Variants in BRINP2 observed in about 807,000 individuals in gnomAD.
BRINP2 encodes the protein BMP/retinoic acid-inducible neural-specific protein 2.
In BRINP2, 21 loss-of-function variants were observed where a neutral mutation model predicts 69.2. That is an observed-to-expected ratio of 0.30 (90% CI 0.22 to 0.44). BRINP2 has a LOEUF of 0.44. Among genes scored for constraint, BRINP2 ranks in the 20% least tolerant of loss-of-function variants. The pLI is 1.00. For missense variants in BRINP2, 877 were observed against 986.0 expected, an observed-to-expected ratio of 0.89 and a Z score of 1.48; for synonymous variants, 380 against 394.1, an observed-to-expected ratio of 0.96 and a Z score of 0.42.
At chr1:177,269,268 A>G (rs1453282177) in intron 4 of BRINP2, among the ~76,000 whole-genome samples, 1 of 152,190 alleles carries the variant, frequency 6.6e-6, no homozygotes, top group Admixed American at 6.5e-5. Context: ...TGGCTCTGCC[A>G]TAGGGTTGGG....
intron 4 of BRINP2, among the ~76,000 whole-genome samples, chr1:177,271,203 T>C (rs1651315018): frequency 6.6e-6 from 1 of 152,252 alleles, no homozygotes; most frequent in Non-Finnish European, 1.5e-5. Context: ...AATCTTATCC[T>C]TGCAGGTGAC....
At chr1:177,231,428 G>A (rs1212049425) in intron 2 of BRINP2, among the ~76,000 whole-genome samples, 6 of 152,170 alleles carry the variant, frequency 3.9e-5, no homozygotes, top group Non-Finnish European at 7.3e-5. Flanking sequence ...GTAAGGGGTC[G>A]CAGAAGTATG....
rs772872398 is a variant in BRINP2, at chr1:177,281,141, C to T, written c.1965C>T (p.Asp655=). ...YLRSRIKSLD[D]SSNETIYYEP... is the part of the protein sequence containing the mutation. ...GGAGCCGAATCAAGTCCCTGGATGA[C>T]AGCTCCAATGAGACAATCTACTATG... The change falls in exon 8 of 8, where the codon GAC becomes GAT. Residue 655 remains aspartate (D), a synonymous_variant. Transcript: ENST00000361539. The T allele has an allele frequency of 6.2e-7, 1 of 1,614,096 alleles. No homozygotes were observed. The highest frequency in any genetic ancestry group is 8.5e-7 in the Non-Finnish European group (1 of 1,180,054).
intron 2 of BRINP2, among the ~76,000 whole-genome samples, chr1:177,243,801 G>C (rs991983287): frequency 6.6e-6 from 1 of 152,206 alleles, no homozygotes; most frequent in Non-Finnish European, 1.5e-5. Flanking sequence ...TCAGGACCAA[G>C]ACTCCTACCT....
At chr1:177,273,396 G>T in intron 4 of BRINP2, 92 bp from the exon 5 acceptor site, 2 of 776,310 alleles carry the variant, frequency 2.6e-6, no homozygotes, top group Non-Finnish European at 2.1e-6. Flanking sequence ...AGGACAGGAT[G>T]TGGAACCTGA....
intron 1 of BRINP2, among the ~76,000 whole-genome samples, chr1:177,182,310 A>G (rs1022481155): frequency 1.3e-5 from 2 of 152,048 alleles, no homozygotes; most frequent in South Asian, 2.1e-4. Context: ...ATTTGTGTTA[A>G]GGTATTAATG....
chr1:177,264,125 T>C lies in BRINP2; in HGVS notation c.669+6741T>C, dbSNP rs909903826. On this transcript the variant is annotated intron_variant, in intron 4 of 7. Transcript: ENST00000361539. ...GGACTGTGTCAAAGTTGGAGAAAAA[T>C]GGATCATATCAGAAAATGAAAGGTA... 2.1e-4 allele frequency among the ~76,000 whole-genome samples: 32 copies of C among 152,194 alleles called. 1 individual carries two copies. Among genetic ancestry groups the C allele is most frequent in the Middle Eastern group, 3.4e-3 (1 of 294 alleles).
intron 4 of BRINP2, among the ~76,000 whole-genome samples, chr1:177,263,174 A>G (rs1296311325): frequency 2.0e-5 from 3 of 152,208 alleles, no homozygotes; most frequent in Non-Finnish European, 4.4e-5. Context: ...TTAAAAGTCT[A>G]AGTAGGTTTG....
At chr1:177,255,408 T>C (rs935591407) in intron 2 of BRINP2, among the ~76,000 whole-genome samples, 9 of 152,246 alleles carry the variant, frequency 5.9e-5, no homozygotes, top group African/African-American at 9.6e-5. Flanking sequence ...CTAAGCCACA[T>C]GTACAAATAT....
intron 1 of BRINP2, among the ~76,000 whole-genome samples, chr1:177,188,894 A>C (rs1247113173): frequency 6.6e-6 from 1 of 152,200 alleles, no homozygotes; most frequent in East Asian, 1.9e-4. Flanking sequence ...TGTTTACAGT[A>C]AAACTCACCC....
At position 177,281,764 on chromosome 1, in the gene BRINP2, C is replaced by A. The variant is rs1163540593; in HGVS notation, c.*236C>A. 1.2e-5 allele frequency: 5 copies of A among 422,236 alleles called. No homozygotes were observed. Among genetic ancestry groups the A allele is most frequent in the African/African-American group, 4.1e-5 (2 of 49,294 alleles). The allele number at this position is 422,236 out of a possible 1,614,324, so 26.2% of individuals were successfully genotyped here. On this transcript the variant is annotated 3_prime_UTR_variant, in exon 8 of 8. Transcript: ENST00000361539. ...CTGGCACAGGGAGGCTACAACTAAG[C>A]AGCCTCAGATCTGTAAAGTTGATTG...
chr1:177,252,458 C>T (rs1325174916), intron 2 of BRINP2, among the ~76,000 whole-genome samples: 3 of 152,030 alleles, frequency 2.0e-5, no homozygotes, highest in African/African-American at 7.2e-5. Context: ...TTATAATTGA[C>T]ATATCCGGCA....
chr1:177,250,002 C>A (rs1383489799), intron 2 of BRINP2, among the ~76,000 whole-genome samples: 1 of 152,166 alleles, frequency 6.6e-6, no homozygotes, highest in East Asian at 1.9e-4. Flanking sequence ...AGTACTTATG[C>A]CTAATGTTTC....
At chr1:177,213,766 T>A (rs1459311852) in intron 1 of BRINP2, among the ~76,000 whole-genome samples, 1 of 152,144 alleles carries the variant, frequency 6.6e-6, no homozygotes, top group African/African-American at 2.4e-5. Context: ...ACAGCTTTCT[T>A]TCAAAAAAAC....
At chr1:177,213,472 A>G (rs1045984846) in intron 1 of BRINP2, among the ~76,000 whole-genome samples, 1 of 152,176 alleles carries the variant, frequency 6.6e-6, no homozygotes, top group South Asian at 2.1e-4. Context: ...GTCTTAAGTA[A>G]ATTTTCTATT....
chr1:177,244,690 G>A (rs1356617656), intron 2 of BRINP2, among the ~76,000 whole-genome samples: 56 of 152,042 alleles, frequency 3.7e-4, no homozygotes, highest in East Asian at 1.9e-4. Flanking sequence ...CAGGTTCGCC[G>A]GGTTAGCTTT....
At chr1:177,191,409 A>G (rs944728866) in intron 1 of BRINP2, among the ~76,000 whole-genome samples, 1 of 152,104 alleles carries the variant, frequency 6.6e-6, no homozygotes, top group East Asian at 1.9e-4. Flanking sequence ...AGAGGACTTA[A>G]TGGCCTGGCA....
At chr1:177,257,445 C>T (rs771955943) in intron 4 of BRINP2, 61 bp downstream of exon 4, 114 of 1,460,422 alleles carry the variant, frequency 7.8e-5, no homozygotes, top group Non-Finnish European at 1.0e-4. Flanking sequence ...CAGGGGGAGG[C>T]CAGAGCCTCA....
intron 1 of BRINP2, among the ~76,000 whole-genome samples, chr1:177,220,777 G>A (rs537762355): frequency 8.5e-5 from 13 of 152,292 alleles, no homozygotes; most frequent in South Asian, 4.2e-4. Flanking sequence ...TGAGGGAAGA[G>A]CACTGTAACT....
Sources: gnomAD v4.1 joint callset for allele counts (sites outside exome capture counted in the v4.1 genomes callset) on GRCh38, gnomAD v4.1.1 for gene constraint, MANE v1.5 for transcripts, NCBI Gene and HGNC (gene_info 2026-07-23, HGNC 2026-07-21) for gene names.